Variants in SDK1 observed in about 807,000 individuals in gnomAD.
The protein encoded by SDK1 is protein sidekick-1.
In SDK1, 157 loss-of-function variants were observed where a neutral mutation model predicts 245.5. The observed-to-expected ratio is 0.64, with a 90% CI of 0.56 to 0.73. The LOEUF is 0.73. Among genes scored for constraint, SDK1 ranks in the 30% least tolerant of loss-of-function variants. The pLI is 0.00. For synonymous variants in SDK1, 1,647 were observed against 1,278.5 expected (o/e 1.29, Z -6.15); for missense variants, 3,583 against 3,002.3 (o/e 1.19, Z -4.52).
At position 3,761,234 on chromosome 7, in the gene SDK1, GT is replaced by G. The variant is rs199582751; in HGVS notation, c.714-60206del. Among the ~76,000 whole-genome samples the G allele has an allele frequency of 2.9e-3, 271 of 92,372 alleles. 3 individuals are homozygous for G. The highest frequency in any genetic ancestry group is 4.8e-3 in the Non-Finnish European group (207 of 43,554). The allele number at this position is 92,372 out of a possible 152,430, so 60.6% of individuals were successfully genotyped here. A position where few individuals can be genotyped will look rare whatever the true frequency, so the allele number is the denominator to read the frequency against. On this transcript the variant is annotated intron_variant, in intron 4 of 44. Transcript: ENST00000404826. ...TCTAATTTCATTGAAAAATCCAGTA[GT>G]TTTTTTTTTATCAAGCCCCCCCTCC...
intron 5 of SDK1, among the ~76,000 whole-genome samples, chr7:3,858,359 C>G (rs964134362): frequency 1.5e-4 from 23 of 152,188 alleles, no homozygotes; most frequent in African/African-American, 5.1e-4. Flanking sequence ...CAAAACCACC[C>G]TGGGCCACAT....
chr7:4,221,218 C>G, intron 39 of SDK1, 21 bp from the exon 40 acceptor site: 1 of 1,612,102 alleles, frequency 6.2e-7, no homozygotes, highest in Non-Finnish European at 8.5e-7. Flanking sequence ...CCTCACCTCT[C>G]TTTTCTTCTT....
Position 3,950,793 on chromosome 7 carries a change from G to A in SDK1, c.848-130G>A, listed in dbSNP as rs185146039. 1.3e-3 allele frequency: 822 copies of A among 652,036 alleles called. 1 individual carries two copies. The highest frequency in any genetic ancestry group is 2.1e-3 in the Admixed American group (82 of 39,936). 40.4% of individuals were successfully genotyped at this position (652,036 alleles called of 1,614,324 possible). On this transcript the variant is annotated intron_variant, in intron 5 of 44. Transcript: ENST00000404826. ...CCATCATACATCAGGGACAATTTGT[G>A]TCTGTAGGGATTGGTACTCTCTTTG... is the stretch of plus-strand genomic sequence containing the variant.
At chr7:4,083,594 T>A (rs1048712770) in intron 22 of SDK1, among the ~76,000 whole-genome samples, 1 of 96,768 alleles carries the variant, frequency 1.0e-5, no homozygotes, top group Admixed American at 1.2e-4. Context: ...CCTTCTTTCC[T>A]TCTTCTCTCC....
intron 5 of SDK1, among the ~76,000 whole-genome samples, chr7:3,910,453 G>A (rs1779124978): frequency 6.6e-6 from 1 of 152,190 alleles, no homozygotes; most frequent in Admixed American, 6.5e-5. Flanking sequence ...GTGTGTATGT[G>A]TGTGCCGGGC....
rs1786474285 is a variant in SDK1 at position 4,017,168 on chromosome 7, C to T, written c.2421-3C>T. 6.2e-7 allele frequency: 1 copy of T among 1,604,778 alleles called. No individual in the cohort carries two copies. The highest frequency in any genetic ancestry group is 1.3e-5 in the African/African-American group (1 of 74,646). On this transcript the variant is annotated splice_polypyrimidine_tract_variant and splice_region_variant and intron_variant, in intron 16 of 44. Transcript: ENST00000404826. Reference sequence around the variant, plus strand: ...ATCGTGATGGGCTTCCTTCGTGGCGCAGGTACCGCCTGGCTGGCCTTCCCG... The same window carrying T: ...ATCGTGATGGGCTTCCTTCGTGGCGTAGGTACCGCCTGGCTGGCCTTCCCG...
intron 4 of SDK1, among the ~76,000 whole-genome samples, chr7:3,717,052 A>T (rs1385885561): frequency 6.6e-6 from 1 of 152,190 alleles, no homozygotes; most frequent in African/African-American, 2.4e-5. Flanking sequence ...AATACTTAAG[A>T]CTATTAGATT....
chr7:3,517,327 A>G (rs1782785851), intron 1 of SDK1, among the ~76,000 whole-genome samples: 1 of 152,130 alleles, frequency 6.6e-6, no homozygotes, highest in South Asian at 2.1e-4. Context: ...TTGAATGCAT[A>G]TCCTCTTAAT....
intron 4 of SDK1, among the ~76,000 whole-genome samples, chr7:3,803,541 C>T (rs937071014): frequency 1.1e-4 from 16 of 151,894 alleles, no homozygotes; most frequent in Middle Eastern, 6.8e-3. Context: ...AAACTCCTGA[C>T]CTCAAGTGAC....
intron 1 of SDK1, among the ~76,000 whole-genome samples, chr7:3,499,032 T>C (rs575787670): frequency 6.5e-4 from 99 of 152,220 alleles, no homozygotes; most frequent in Non-Finnish European, 1.1e-3. Flanking sequence ...TTTTATACTT[T>C]GTGTTTTAAA....
At chr7:3,771,430 A>G (rs998652429) in intron 4 of SDK1, among the ~76,000 whole-genome samples, 2 of 152,196 alleles carry the variant, frequency 1.3e-5, no homozygotes, top group African/African-American at 4.8e-5. Flanking sequence ...ACAGGGGAGC[A>G]TAAAGAATCG....
At chr7:3,850,995 C>G (rs1017161230) in intron 5 of SDK1, among the ~76,000 whole-genome samples, 1 of 151,966 alleles carries the variant, frequency 6.6e-6, no homozygotes, top group Non-Finnish European at 1.5e-5. Context: ...TACCCTAGAA[C>G]TTAAAGTATA....
chr7:3,455,942 G>GT (rs1303612907), intron 1 of SDK1, among the ~76,000 whole-genome samples: 13 of 152,130 alleles, frequency 8.5e-5, no homozygotes, highest in Non-Finnish European at 2.9e-5. Flanking sequence ...AATTCTTTCA[G>GT]TTTTCCTTGT....
At chr7:4,167,303 C>T (rs1781557405) in intron 32 of SDK1, among the ~76,000 whole-genome samples, 1 of 152,030 alleles carries the variant, frequency 6.6e-6, no homozygotes, top group Non-Finnish European at 1.5e-5. Flanking sequence ...AGGAGAATTG[C>T]TTGAACCCGA....
intron 1 of SDK1, among the ~76,000 whole-genome samples, chr7:3,369,512 G>C (rs1195365519): frequency 1.3e-5 from 2 of 152,162 alleles, no homozygotes; most frequent in East Asian, 3.8e-4. Context: ...TACATACAGA[G>C]TGTTCTGATC....
At chr7:3,903,139 T>G (rs569983056) in intron 5 of SDK1, among the ~76,000 whole-genome samples, 26 of 142,178 alleles carry the variant, frequency 1.8e-4, no homozygotes, top group African/African-American at 7.1e-4. Context: ...GTGGTTTTGT[T>G]TTTTGTTTTG....
chr7:4,250,076 C>T (rs564381555), intron 44 of SDK1, among the ~76,000 whole-genome samples: 1 of 152,312 alleles, frequency 6.6e-6, no homozygotes, highest in East Asian at 1.9e-4. Flanking sequence ...CAGCTCTTGG[C>T]AACCAGTAAG....
At chr7:3,328,097 GT>G (rs201595643) in intron 1 of SDK1, among the ~76,000 whole-genome samples, 2,280 of 152,240 alleles carry the variant, frequency 0.015, 55 homozygotes, top group African/African-American at 0.045. Flanking sequence ...TTCTTATTCT[GT>G]GTGTGTTTAA....
rs1405476 is a variant in SDK1, at chr7:4,120,482, A to C, written c.3823+6208A>C. ...ATAATCTCGAAGGAGCTAAAAGCAA[A>C]TAACTGCCAACCTCAAATTTTATAC... On this transcript the variant is annotated intron_variant, in intron 25 of 44. Transcript: ENST00000404826. Among the ~76,000 whole-genome samples, 36 of 148,682 alleles carry C rather than the reference A, an allele frequency of 2.4e-4. 3 individuals carry two copies. Among genetic ancestry groups the C allele is most frequent in the Non-Finnish European group, 4.5e-5 (3 of 66,636 alleles).
Sources: gnomAD v4.1 joint callset for allele counts (sites outside exome capture counted in the v4.1 genomes callset) on GRCh38, gnomAD v4.1.1 for gene constraint, MANE v1.5 for transcripts, NCBI Gene and HGNC (gene_info 2026-07-23, HGNC 2026-07-21) for gene names.